Variants in NPAS1 observed in about 807,000 individuals in gnomAD.
NPAS1 encodes neuronal PAS domain protein 1.
In NPAS1, 29 loss-of-function variants were observed where a neutral mutation model predicts 49.2. The observed-to-expected ratio is 0.59, with a 90% CI of 0.44 to 0.80. The LOEUF (loss-of-function observed/expected upper bound fraction) is 0.80, where lower values mean the gene tolerates loss of function less well. Ranked by LOEUF, NPAS1 falls within the 30% of genes least tolerant of loss-of-function variation. The pLI is 0.00. For missense variants in NPAS1, 825 were observed against 835.5 expected (o/e 0.99, Z 0.15); for synonymous variants, 408 against 380.4 (o/e 1.07, Z -0.84).
At chr19:47,041,849 A>C (rs759808324) in intron 10 of NPAS1, among the ~76,000 whole-genome samples, 1 of 151,878 alleles carries the variant, frequency 6.6e-6, no homozygotes, top group Non-Finnish European at 1.5e-5. Context: ...TTACAGTGGC[A>C]CGCACCTGTG....
chr19:47,024,709 C>T (rs2056860826), intron 3 of NPAS1, among the ~76,000 whole-genome samples: 1 of 152,052 alleles, frequency 6.6e-6, no homozygotes, highest in Non-Finnish European at 1.5e-5. Context: ...GGGCCTCAGT[C>T]CTCCATCTGT....
chr19:47,039,517 C>T lies in NPAS1; in HGVS notation c.915C>T (p.Ile305=), dbSNP rs1599917427. The T allele has an allele frequency of 4.4e-6, 7 of 1,607,778 alleles. No homozygotes were observed. Among genetic ancestry groups the T allele is most frequent in the Non-Finnish European group, 6.0e-6 (7 of 1,176,170 alleles). ...AGCTGCCACTCCATGGACACATGAT[C>T]GTCTTCCGTCTCAGCCTGGGTCTCA... ...LAELPLHGHM[I]VFRLSLGLTI... is the part of the protein sequence containing the mutation. Residue 305 remains isoleucine (I), a synonymous_variant, in exon 8 of 12, where the codon ATC becomes ATT. Coordinates refer to ENST00000602212, the MANE Select transcript of NPAS1 (RefSeq NM_002517.4).
intron 6 of NPAS1, among the ~76,000 whole-genome samples, chr19:47,037,972 G>A (rs975702031): frequency 1.3e-5 from 2 of 152,210 alleles, no homozygotes; most frequent in Admixed American, 6.6e-5. Context: ...ACCCACCTGG[G>A]GCTCCCAGTC....
In NPAS1 at chr19:47,045,693, G is replaced by A. The variant is rs1217398972; in HGVS notation, c.*42G>A. On this transcript the variant is annotated 3_prime_UTR_variant, in exon 12 of 12. Coordinates refer to ENST00000602212, the MANE Select transcript of NPAS1 (RefSeq NM_002517.4). Reference sequence around the variant, plus strand: ...CGGCGCCGGACCCTGCGACAACCGGGGTCCCCCAGGACAGTAGGCCCGGCT... The same window carrying A: ...CGGCGCCGGACCCTGCGACAACCGGAGTCCCCCAGGACAGTAGGCCCGGCT... 1.5e-6 allele frequency: 2 copies of A among 1,373,296 alleles called. No individual in the cohort carries two copies. Among genetic ancestry groups the A allele is most frequent in the Admixed American group, 3.4e-5 (1 of 29,474 alleles). 85.1% of individuals were successfully genotyped at this position (1,373,296 alleles called of 1,614,324 possible). A position where few individuals can be genotyped will look rare whatever the true frequency, so the allele number is the denominator to read the frequency against.
intron 5 of NPAS1, chr19:47,035,424 AAC>A (rs1305321576): frequency 6.5e-6 from 1 of 153,266 alleles, no homozygotes; most frequent in Non-Finnish European, 1.5e-5. Flanking sequence ...CGGGGGCAGA[AAC>A]ACAGTGGGGA....
intron 5 of NPAS1, among the ~76,000 whole-genome samples, chr19:47,034,388 C>A (rs1466670440): frequency 6.6e-6 from 1 of 151,316 alleles, no homozygotes; most frequent in African/African-American, 2.4e-5. Flanking sequence ...TCTCACAGCA[C>A]CTTAAGCTTT....
chr19:47,037,141 C>T (rs576582675), intron 6 of NPAS1, among the ~76,000 whole-genome samples: 11 of 150,972 alleles, frequency 7.3e-5, no homozygotes, highest in East Asian at 5.9e-4. Context: ...CACCTGAGGT[C>T]GGGAGTTCGA....
Position 47,041,098 on chromosome 19 carries a change from A to T in NPAS1, c.1190A>T (p.His397Leu). ...AGSGKSPGEH[H>L]VLWVSHVLSQ... ...AGCGGGAAGAGCCCCGGGGAGCACC[A>T]TGTGCTTTGGGTCAGCCACGTGCTC... is the stretch of plus-strand genomic sequence containing the variant. Residue 397 changes from histidine (H) to leucine (L), a missense_variant, in exon 10 of 12, where the codon CAT becomes CTT. Coordinates refer to ENST00000602212, the MANE Select transcript of NPAS1 (RefSeq NM_002517.4). 6.3e-7 allele frequency: 1 copy of T among 1,595,532 alleles called. No homozygotes were observed.
chr19:47,042,080 G>A (rs1243967973), intron 10 of NPAS1, among the ~76,000 whole-genome samples: 1 of 151,216 alleles, frequency 6.6e-6, no homozygotes, highest in East Asian at 2.0e-4. Context: ...GGCCGAGGTG[G>A]GTGGATCACG....
chr19:47,045,665 T>A lies in NPAS1; in HGVS notation c.*14T>A, dbSNP rs933149064. ...AAGGGGGACTGAGGACTGGCAGAGC[T>A]GCCGGCGCCGGACCCTGCGACAACC... On this transcript the variant is annotated 3_prime_UTR_variant, in exon 12 of 12. Coordinates refer to ENST00000602212, the MANE Select transcript of NPAS1 (RefSeq NM_002517.4). The A allele has an allele frequency of 3.3e-5, 46 of 1,408,804 alleles. No individual in the cohort carries two copies. The highest frequency in any genetic ancestry group is 4.1e-5 in the Non-Finnish European group (45 of 1,091,246). The allele number at this position is 1,408,804 out of a possible 1,614,324, so 87.3% of individuals were successfully genotyped here. A position where few individuals can be genotyped will look rare whatever the true frequency, so the allele number is the denominator to read the frequency against.
chr19:47,021,110 C>T lies in NPAS1; in HGVS notation c.63C>T (p.Gly21=). The T allele has an allele frequency of 1.9e-6, 3 of 1,602,322 alleles. No individual in the cohort carries two copies. The highest frequency in any genetic ancestry group is 2.6e-6 in the Non-Finnish European group (3 of 1,175,262). The stretch of plus-strand genomic sequence containing the variant: ...AGGTCAAATGCGTGGGAGGCCGCGG[C>T]GCCAGCGTCCCCTGGGACTTTCTAC... ...GSEVKCVGGR[G]ASVPWDFLPG... is the part of the protein sequence containing the mutation. Residue 21 remains glycine, a synonymous_variant, in exon 2 of 12, where the codon GGC becomes GGT. Coordinates refer to ENST00000602212, the MANE Select transcript of NPAS1 (RefSeq NM_002517.4). This position sits in a 1 kb window ranked among gnomAD's most constrained non-coding sequence, Gnocchi z 5.7.
chr19:47,020,332 T>G (rs1462975318), intron 1 of NPAS1, among the ~76,000 whole-genome samples: 1 of 151,368 alleles, frequency 6.6e-6, no homozygotes, highest in Non-Finnish European at 1.5e-5. Context: ...GAGTGTCGGG[T>G]CAATCCTGGG....
intron 9 of NPAS1, 55 bp downstream of exon 9, chr19:47,040,605 C>A: frequency 8.0e-7 from 1 of 1,254,390 alleles, no homozygotes; most frequent in Non-Finnish European, 1.1e-6. Context: ...ACCCGAGCAT[C>A]CCACTCCCTG....
chr19:47,025,965 A>C (rs892638303), intron 3 of NPAS1, among the ~76,000 whole-genome samples: 1 of 141,158 alleles, frequency 7.1e-6, no homozygotes, highest in African/African-American at 2.7e-5. Context: ...TTTGAGACAG[A>C]GTCTTGCTCT....
chr19:47,037,635 T>C (rs975462665), intron 6 of NPAS1, among the ~76,000 whole-genome samples: 1 of 152,062 alleles, frequency 6.6e-6, no homozygotes, highest in African/African-American at 2.4e-5. Flanking sequence ...CTCTGAGATG[T>C]TGGGGGCCTA....
intron 3 of NPAS1, among the ~76,000 whole-genome samples, chr19:47,031,675 C>T (rs541551195): frequency 1.3e-5 from 2 of 151,874 alleles, no homozygotes; most frequent in African/African-American, 4.8e-5. Context: ...GGACTACAGG[C>T]GCCCACCTCC....
intron 3 of NPAS1, among the ~76,000 whole-genome samples, chr19:47,029,914 C>T (rs2056895213): frequency 1.3e-5 from 2 of 152,230 alleles, no homozygotes. Context: ...TTGTTTTCCA[C>T]AGTGGCTGTA....
In NPAS1 at chr19:47,037,947, G is replaced by C. The variant is rs182163250; in HGVS notation, c.689-1089G>C. On this transcript the variant is annotated intron_variant, in intron 6 of 11. Transcript: ENST00000602212. The stretch of plus-strand genomic sequence containing the variant: ...GTCCTGGTGACATAGGAGTGACCAT[G>C]ACAGCTCCAGCCCCACCCACCTGGG... Among the ~76,000 whole-genome samples the C allele has an allele frequency of 1.1e-3, 164 of 152,358 alleles. 2 individuals carry two copies. The Middle Eastern group carries it at 0.044, about 41-fold the overall frequency.
intron 3 of NPAS1, among the ~76,000 whole-genome samples, chr19:47,029,616 G>A (rs1461240050): frequency 6.6e-6 from 1 of 152,026 alleles, no homozygotes; most frequent in African/African-American, 2.4e-5. Flanking sequence ...GGCCAGGCTG[G>A]TCTTGAACTC....
Sources: gnomAD v4.1 joint callset for allele counts (sites outside exome capture counted in the v4.1 genomes callset) on GRCh38, gnomAD v4.1.1 for gene constraint, Gnocchi (gnomAD v3.1) non-coding constraint, MANE v1.5 for transcripts, NCBI Gene and HGNC (gene_info 2026-07-23, HGNC 2026-07-21) for gene names.